The following SLFN5 variants were observed in gnomAD, a reference collection of about 807,000 sequenced individuals.
SLFN5 encodes the protein schlafen family member 5.
A neutral mutation model predicts 48.5 loss-of-function variants in SLFN5; 34 were observed. The observed-to-expected ratio is 0.70, with a 90% CI of 0.53 to 0.93. SLFN5 has a LOEUF of 0.93. Among genes scored for constraint, SLFN5 ranks in the 40% least tolerant of loss-of-function variants. SLFN5 has a pLI of 0.00. For missense variants in SLFN5, 1,006 were observed against 1,071.3 expected (o/e 0.94, Z 0.85); for synonymous variants, 387 against 396.2 (o/e 0.98, Z 0.28).
chr17:35,266,368 T>G lies in SLFN5; in HGVS notation c.*480T>G, dbSNP rs9898490. On this transcript the variant is annotated 3_prime_UTR_variant, in exon 5 of 5. Transcript: ENST00000299977. ...TTGAATGGGACGTGCAGCGAGAATG[T>G]GAAGGATGGAGCAGGTAGCTCATCT... 0.45 allele frequency: 67,975 copies of G among 152,332 alleles called. 16,901 individuals carry two copies. The highest frequency in any genetic ancestry group is 0.57 in the Non-Finnish European group (39,002 of 68,314). The allele number at this position is 152,332 out of a possible 1,614,324, so 9.4% of individuals were successfully genotyped here.
rs988164543 is a variant in SLFN5, at chr17:35,267,044, G to T, written c.*1156G>T. 6.6e-6 allele frequency: 1 copy of T among 152,046 alleles called. No individual in the cohort carries two copies. Among genetic ancestry groups the T allele is most frequent in the Admixed American group, 6.6e-5 (1 of 15,256 alleles). The allele number at this position is 152,046 out of a possible 1,614,324, so 9.4% of individuals were successfully genotyped here. A position where few individuals can be genotyped will look rare whatever the true frequency, so the allele number is the denominator to read the frequency against. ...GAAGTATGAACTTGAAGCTAGAATT[G>T]GTTTATTTCTGGCAGCTACTTACAA... On this transcript the variant is annotated 3_prime_UTR_variant, in exon 5 of 5. Transcript: ENST00000299977.
intron 1 of SLFN5, among the ~76,000 whole-genome samples, chr17:35,244,474 C>T (rs914298209): frequency 3.3e-5 from 5 of 152,082 alleles, no homozygotes; most frequent in Non-Finnish European, 5.9e-5. Context: ...TGTCTGGCCT[C>T]GCCCTATGAG....
intron 3 of SLFN5, among the ~76,000 whole-genome samples, chr17:35,262,210 C>G (rs1479521831): frequency 6.6e-6 from 1 of 151,630 alleles, no homozygotes; most frequent in Non-Finnish European, 1.5e-5. Context: ...GAAACCCTGT[C>G]TCTACTAAAA....
At chr17:35,257,342 T>C (rs372643498) in intron 1 of SLFN5, among the ~76,000 whole-genome samples, 12 of 152,114 alleles carry the variant, frequency 7.9e-5, no homozygotes, top group African/African-American at 2.7e-4. Context: ...AATTTTATGG[T>C]CCTGACATGT....
In SLFN5 at chr17:35,270,440, G is replaced by A. The variant is rs191053633; in HGVS notation, c.*4552G>A. ...CGCCTCTCCATGAACTAAAACCTAT[G>A]AGTCATTGGTACAGGTAGGGAAAAT... On this transcript the variant is annotated 3_prime_UTR_variant, in exon 5 of 5. Coordinates refer to ENST00000299977, the MANE Select transcript of SLFN5 (RefSeq NM_144975.4). 1.4e-4 allele frequency: 22 copies of A among 152,322 alleles called. No homozygotes were observed. Among genetic ancestry groups the A allele is most frequent in the Admixed American group, 1.3e-3 (20 of 15,290 alleles). The allele number at this position is 152,322 out of a possible 1,614,324, so 9.4% of individuals were successfully genotyped here. A position where few individuals can be genotyped will look rare whatever the true frequency, so the allele number is the denominator to read the frequency against.
chr17:35,258,616 T>C lies in SLFN5; in HGVS notation c.-40-35T>C, dbSNP rs1904411699. On this transcript the variant is annotated intron_variant, in intron 1 of 4. Transcript: ENST00000299977. ...GGTTTTCCTGCCTCTCCTATTCTTG[T>C]CCTGTTCTAATGGTTCTATCTTTCT... 4 of 1,527,418 alleles carry C rather than the reference T, an allele frequency of 2.6e-6. No homozygotes were observed. The African/African-American group carries it at 4.1e-5, about 16-fold the overall frequency. 94.6% of individuals were successfully genotyped at this position (1,527,418 alleles called of 1,614,324 possible). A position where few individuals can be genotyped will look rare whatever the true frequency, so the allele number is the denominator to read the frequency against.
intron 1 of SLFN5, among the ~76,000 whole-genome samples, chr17:35,257,370 A>G (rs1904374513): frequency 6.6e-6 from 1 of 152,134 alleles, no homozygotes. Flanking sequence ...TAGGTCTTAG[A>G]TACAATTAAT....
At position 35,266,142 on chromosome 17, in the gene SLFN5, A is replaced by AGG; in HGVS notation, c.*254_*255insGG. On this transcript the variant is annotated 3_prime_UTR_variant, in exon 5 of 5. Coordinates refer to ENST00000299977, the MANE Select transcript of SLFN5 (RefSeq NM_144975.4). ...AATTAGAGGACCGTGAGACTCAGAG[A>AGG]TGTGTGTGTGTGTGTGTGTGTGTGT... The AGG allele has an allele frequency of 1.3e-5, 3 of 239,758 alleles. No homozygotes were observed. The highest frequency in any genetic ancestry group is 5.2e-5 in the Admixed American group (1 of 19,058). 14.9% of individuals were successfully genotyped at this position (239,758 alleles called of 1,614,324 possible).
intron 1 of SLFN5, among the ~76,000 whole-genome samples, chr17:35,254,084 G>A (rs894515998): frequency 2.0e-5 from 3 of 152,058 alleles, no homozygotes; most frequent in Admixed American, 6.6e-5. Flanking sequence ...AACAATATTC[G>A]GAGTTTATAT....
In SLFN5 at chr17:35,271,353, T is replaced by C. The variant is rs1467354564; in HGVS notation, c.*5465T>C. On this transcript the variant is annotated 3_prime_UTR_variant, in exon 5 of 5. Transcript: ENST00000299977. ...AAAAAATGAATTGAGAAGAAAGTAG[T>C]GGTTTTAAGAAGGAAAGGAGAACAA... The C allele has an allele frequency of 6.6e-6, 1 of 152,208 alleles. No homozygotes were observed. Among genetic ancestry groups the C allele is most frequent in the Non-Finnish European group, 1.5e-5 (1 of 68,034 alleles). 9.4% of individuals were successfully genotyped at this position (152,208 alleles called of 1,614,324 possible).
At chr17:35,247,567 T>C (rs2092433619) in intron 1 of SLFN5, among the ~76,000 whole-genome samples, 1 of 152,224 alleles carries the variant, frequency 6.6e-6, no homozygotes, top group South Asian at 2.1e-4. Context: ...ACTGACTGAA[T>C]GTCTCTTTTT....
In SLFN5 at chr17:35,264,745, C is replaced by T. The variant is rs1394143804; in HGVS notation, c.1701C>T (p.Asn567=). 1 of 1,601,076 alleles carries T rather than the reference C, an allele frequency of 6.2e-7. No individual in the cohort carries two copies. Among genetic ancestry groups the T allele is most frequent in the East Asian group, 2.2e-5 (1 of 44,836 alleles). ...TNKQYELLSK[N]LRKTRELFVH... is the part of the protein sequence containing the mutation. ...AACAGTATGAGTTGCTTTCAAAGAA[C>T]CTTCGCAAGACCAGAGAGTTGTTTG... The change falls in exon 4 of 5, where the codon AAC becomes AAT. Residue 567 remains asparagine (N), a synonymous_variant. Coordinates refer to ENST00000299977, the MANE Select transcript of SLFN5 (RefSeq NM_144975.4).
In SLFN5 at chr17:35,271,263, C is replaced by T. The variant is rs1904823654; in HGVS notation, c.*5375C>T. The T allele has an allele frequency of 6.6e-6, 1 of 151,868 alleles. No homozygotes were observed. Among genetic ancestry groups the T allele is most frequent in the South Asian group, 2.1e-4 (1 of 4,804 alleles). 9.4% of individuals were successfully genotyped at this position (151,868 alleles called of 1,614,324 possible). On this transcript the variant is annotated 3_prime_UTR_variant, in exon 5 of 5. Coordinates refer to ENST00000299977, the MANE Select transcript of SLFN5 (RefSeq NM_144975.4). ...AAAAAACTTCCTACTTGTTCCAAGT[C>T]AGAAAAACTATTCATATAGGGATGG...
rs1414140965 is a variant in SLFN5, at chr17:35,264,342, A to C, written c.1298A>C (p.Glu433Ala). The C allele has an allele frequency of 6.2e-7, 1 of 1,614,194 alleles. No homozygotes were observed. The change falls in exon 4 of 5, where the codon GAG (glutamate) becomes GCG (alanine). Residue 433 changes from glutamate (E) to alanine (A), a missense_variant. Coordinates refer to ENST00000299977, the MANE Select transcript of SLFN5 (RefSeq NM_144975.4). ...TGGGCTGTGGATTTAGGTCTGCAAG[A>C]GAAGCAGGGAGTCATCTGTGATGCT... is the stretch of plus-strand genomic sequence containing the variant. ...QSWAVDLGLQEKQGVICDALL... is the reference protein window; with the variant it reads ...QSWAVDLGLQAKQGVICDALL...
intron 1 of SLFN5, among the ~76,000 whole-genome samples, chr17:35,256,271 A>T (rs1173196914): frequency 2.6e-5 from 4 of 152,152 alleles, no homozygotes; most frequent in Non-Finnish European, 5.9e-5. Context: ...AGGCAGGAGA[A>T]TCGCTTGAAC....
chr17:35,244,010 C>G (rs1459109156), intron 1 of SLFN5, among the ~76,000 whole-genome samples: 2 of 152,152 alleles, frequency 1.3e-5, no homozygotes, highest in Non-Finnish European at 2.9e-5. Context: ...AGTCTTTCTT[C>G]GTCTCAGATT....
In SLFN5 at chr17:35,264,625, A is replaced by G. The variant is rs1904620512; in HGVS notation, c.1581A>G (p.Glu527=). Residue 527 remains glutamate, a synonymous_variant, in exon 4 of 5, where the codon GAA becomes GAG. Coordinates refer to ENST00000299977, the MANE Select transcript of SLFN5 (RefSeq NM_144975.4). ...ACTTCATGACCCCCCAGCACATGGAAGCCCTGTTACAGTCCCTCGTGATAG... is the reference window on the plus strand; with the variant it reads ...ACTTCATGACCCCCCAGCACATGGAGGCCCTGTTACAGTCCCTCGTGATAG... ...SYNFMTPQHM[E]ALLQSLVIVL... 1.2e-6 allele frequency: 2 copies of G among 1,614,090 alleles called. No homozygotes were observed. The highest frequency in any genetic ancestry group is 1.7e-6 in the Non-Finnish European group (2 of 1,180,046).
intron 1 of SLFN5, among the ~76,000 whole-genome samples, chr17:35,245,808 G>A (rs1990185411): frequency 2.0e-5 from 3 of 149,344 alleles, no homozygotes; most frequent in Non-Finnish European, 4.4e-5. Flanking sequence ...TCATGCACAA[G>A]TCTTTGTATG....
chr17:35,260,564 A>G (rs1904491944), intron 2 of SLFN5, among the ~76,000 whole-genome samples: 1 of 152,112 alleles, frequency 6.6e-6, no homozygotes, highest in South Asian at 2.1e-4. Context: ...GTCTCTACCA[A>G]AAATACAAAA....
Sources: allele counts gnomAD v4.1 joint callset (sites outside exome capture counted in the v4.1 genomes callset), GRCh38; gene constraint gnomAD v4.1.1; transcripts MANE v1.5; gene names NCBI Gene and HGNC (gene_info 2026-07-23, HGNC 2026-07-21).